The following CADPS2 variants were observed in gnomAD, a reference collection of about 807,000 sequenced individuals.
The protein encoded by CADPS2 is calcium dependent secretion activator 2, also known as calcium-dependent secretion activator 2.
CADPS2 carries 93 observed loss-of-function variants against 172.5 expected under a neutral mutation model. That is an observed-to-expected ratio of 0.54 (90% confidence interval 0.46 to 0.64). The LOEUF (loss-of-function observed/expected upper bound fraction) is 0.64, where lower values mean the gene tolerates loss of function less well. CADPS2 is among the 30% of genes least tolerant of loss of function. CADPS2 has a pLI of 0.00. For synonymous variants in CADPS2, 546 were observed against 555.2 expected (o/e 0.98, Z 0.23); for missense variants, 1,420 against 1,565.9 (o/e 0.91, Z 1.57).
intron 17 of CADPS2, among the ~76,000 whole-genome samples, chr7:122,418,691 T>C (rs191316222): frequency 6.6e-6 from 1 of 152,086 alleles, no homozygotes; most frequent in African/African-American, 2.4e-5. Context: ...TGAGCCATTG[T>C]TGAGTGGCTA....
chr7:122,708,461 GATAT>G (rs3034549), intron 2 of CADPS2, among the ~76,000 whole-genome samples: 101,860 of 127,928 alleles, frequency 0.8, 40,809 homozygotes, highest in East Asian at 0.89. Context: ...TATGTGTGTG[GATAT>G]ATATATATAT....
At chr7:122,610,599 G>A (rs1266487478) in intron 6 of CADPS2, among the ~76,000 whole-genome samples, 1 of 152,040 alleles carries the variant, frequency 6.6e-6, no homozygotes, top group African/African-American at 2.4e-5. Context: ...TTTCTGAAGT[G>A]ATATGTTTAA....
chr7:122,586,253 T>G (rs541739762), intron 6 of CADPS2, among the ~76,000 whole-genome samples: 1 of 152,126 alleles, frequency 6.6e-6, no homozygotes, highest in East Asian at 1.9e-4. Context: ...CCCTATCCCC[T>G]TGGGATTTCT....
At chr7:122,444,064 A>T (rs952415668) in intron 15 of CADPS2, among the ~76,000 whole-genome samples, 1 of 152,294 alleles carries the variant, frequency 6.6e-6, no homozygotes, top group South Asian at 2.1e-4. Flanking sequence ...GTAAGAGGAA[A>T]TGTACAGTAT....
At chr7:122,537,944 A>G (rs1268874280) in intron 8 of CADPS2, among the ~76,000 whole-genome samples, 1 of 151,884 alleles carries the variant, frequency 6.6e-6, no homozygotes, top group Non-Finnish European at 1.5e-5. Context: ...AATCTGGAAA[A>G]AAATACTTTC....
intron 14 of CADPS2, among the ~76,000 whole-genome samples, chr7:122,452,880 T>A (rs1317352232): frequency 6.6e-6 from 1 of 152,166 alleles, no homozygotes; most frequent in Admixed American, 6.5e-5. Context: ...TATATACATA[T>A]AATCATATGT....
chr7:122,773,835 A>G (rs1192404716), intron 1 of CADPS2, among the ~76,000 whole-genome samples: 1 of 152,070 alleles, frequency 6.6e-6, no homozygotes, highest in East Asian at 1.9e-4. Flanking sequence ...TACCTTTCAC[A>G]TTTTAAAGAA....
intron 7 of CADPS2, among the ~76,000 whole-genome samples, chr7:122,559,770 CAAAAAA>C (rs71161306): frequency 0.42 from 35,600 of 84,290 alleles, 4,999 homozygotes; most frequent in Non-Finnish European, 0.5. Context: ...GACTCCACCT[CAAAAAA>C]AAAAAAAAAA....
intron 1 of CADPS2, among the ~76,000 whole-genome samples, chr7:122,811,001 A>C (rs1252940362): frequency 1.3e-5 from 2 of 152,214 alleles, no homozygotes; most frequent in Non-Finnish European, 2.9e-5. Context: ...GCTTGTATAA[A>C]CTACATATGA....
chr7:122,456,098 T>C (rs2053738554), intron 14 of CADPS2, among the ~76,000 whole-genome samples: 2 of 152,184 alleles, frequency 1.3e-5, no homozygotes, highest in South Asian at 4.1e-4. Context: ...GGTAAAAAGA[T>C]CTCTAAAGTT....
intron 4 of CADPS2, among the ~76,000 whole-genome samples, chr7:122,629,016 CATTAAA>C (rs1178761740): frequency 1.3e-5 from 2 of 151,766 alleles, no homozygotes; most frequent in African/African-American, 2.4e-5. Context: ...TAAAAGTTAT[CATTAAA>C]ATTAAACAGT....
At chr7:122,460,084 G>A (rs753625457) in intron 14 of CADPS2, among the ~76,000 whole-genome samples, 4 of 151,988 alleles carry the variant, frequency 2.6e-5, no homozygotes, top group Non-Finnish European at 4.4e-5. Context: ...CCATAGAGAT[G>A]TCCAAATAAT....
intron 1 of CADPS2, among the ~76,000 whole-genome samples, chr7:122,797,615 G>A (rs187374918): frequency 5.4e-4 from 82 of 152,194 alleles, no homozygotes; most frequent in Non-Finnish European, 7.5e-4. Flanking sequence ...TAAATACCAC[G>A]TTATCATTTA....
At chr7:122,637,208 T>TC (rs2077171039) in intron 3 of CADPS2, among the ~76,000 whole-genome samples, 3 of 62,694 alleles carry the variant, frequency 4.8e-5, no homozygotes, top group African/African-American at 1.9e-4. Context: ...TTTTTTTTTT[T>TC]CCTGAGACAG....
intron 14 of CADPS2, among the ~76,000 whole-genome samples, chr7:122,460,886 A>C (rs182231330): frequency 4.6e-5 from 7 of 152,332 alleles, no homozygotes; most frequent in Admixed American, 4.6e-4. Flanking sequence ...TCAGAGCTGA[A>C]GAGAGAACTG....
rs1220840364 is a variant in CADPS2 at position 122,320,143 on chromosome 7, C to T, written c.*22G>A. 5 of 1,543,184 alleles carry T rather than the reference C, an allele frequency of 3.2e-6. No homozygotes were observed. The Admixed American group carries it at 8.3e-5, about 26-fold the overall frequency. ...AACAATGTCGATCAAGGTCTTCCTT[C>T]CTTCTGCAAAGCTGTGTGATATCAG... On this transcript the variant is annotated 3_prime_UTR_variant, in exon 30 of 30. Transcript: ENST00000449022.
chr7:122,683,141 C>T (rs115100874), intron 2 of CADPS2, among the ~76,000 whole-genome samples: 1,575 of 152,144 alleles, frequency 0.01, 29 homozygotes, highest in African/African-American at 0.036. Context: ...TGGTTCTTGG[C>T]GGGATGAGAG....
At chr7:122,853,176 G>A (rs532832259) in intron 1 of CADPS2, among the ~76,000 whole-genome samples, 2 of 152,214 alleles carry the variant, frequency 1.3e-5, no homozygotes, top group Admixed American at 1.3e-4. Flanking sequence ...TAGACAGCTG[G>A]CTTCTGATGT....
intron 3 of CADPS2, among the ~76,000 whole-genome samples, chr7:122,644,315 C>A (rs866148264): frequency 6.6e-6 from 1 of 152,130 alleles, no homozygotes; most frequent in Non-Finnish European, 1.5e-5. Context: ...TTTTCTGAAT[C>A]ATGTATTTCT....
Sources: gnomAD v4.1 joint callset for allele counts (sites outside exome capture counted in the v4.1 genomes callset) on GRCh38, gnomAD v4.1.1 for gene constraint, MANE v1.5 for transcripts, NCBI Gene and HGNC (gene_info 2026-07-23, HGNC 2026-07-21) for gene names.